Variants in NPEPPS observed in about 807,000 individuals in gnomAD.
NPEPPS encodes the protein aminopeptidase puromycin sensitive, also known as puromycin-sensitive aminopeptidase.
A neutral mutation model predicts 115.5 loss-of-function variants in NPEPPS; 14 were observed. The ratio of observed to expected loss-of-function variants is 0.12; its 90% CI spans 0.08 to 0.19. NPEPPS has a LOEUF of 0.19. Ranked by LOEUF, NPEPPS falls within the 10% of genes least tolerant of loss-of-function variation. The pLI, the probability that NPEPPS is intolerant of heterozygous loss-of-function variation, is 1.00. For missense variants in NPEPPS, 523 were observed against 1,110.8 expected (o/e 0.47, Z 7.52); for synonymous variants, 285 against 390.6 (o/e 0.73, Z 3.19).
At chr17:47,557,604 A>G (rs1910135764) in intron 2 of NPEPPS, 1 of 148,876 alleles carries the variant, frequency 6.7e-6, no homozygotes. Context: ...ATTTAAATAT[A>G]AATTTTAATC....
chr17:47,614,661 A>G (rs950352354), intron 19 of NPEPPS, among the ~76,000 whole-genome samples: 1 of 152,234 alleles, frequency 6.6e-6, no homozygotes, highest in African/African-American at 2.4e-5. Context: ...AGCAAATGCT[A>G]TCTCCAGTCC....
chr17:47,538,199 G>GTTTTT (rs1292705804), intron 1 of NPEPPS, among the ~76,000 whole-genome samples: 2 of 72,346 alleles, frequency 2.8e-5, no homozygotes, highest in Non-Finnish European at 5.7e-5. Flanking sequence ...AGCCATATCT[G>GTTTTT]TTCTTTTTTT....
In NPEPPS at chr17:47,609,356, A is replaced by G. The variant is rs1913707443; in HGVS notation, c.2096-3104A>G. On this transcript the variant is annotated intron_variant, in intron 17 of 22. Coordinates refer to ENST00000322157, the MANE Select transcript of NPEPPS (RefSeq NM_006310.4). ...GTTGCACTTTTCTTTCATGATGATA[A>G]CGTGACACTTTTTGACTTCAAAACT... Among the ~76,000 whole-genome samples, 3 of 152,204 alleles carry G rather than the reference A, an allele frequency of 2.0e-5. No individual in the cohort carries two copies. In the South Asian group the frequency reaches 6.2e-4, roughly 31 times the overall value.
Position 47,613,689 on chromosome 17 carries a change from G to C in NPEPPS, c.2259G>C (p.Lys753Asn). The change falls in exon 19 of 23, where the codon AAG becomes AAC. Residue 753 changes from lysine (K) to asparagine (N), a missense_variant. Physicochemically the swap from Lys to Asn is moderately conservative, Grantham distance 94. This residue lies in a region of NPEPPS where 372 missense variants were observed against 542.6 expected (regional missense o/e 0.69). Coordinates refer to ENST00000322157, the MANE Select transcript of NPEPPS (RefSeq NM_006310.4). ...TGTAGGTCTATCTGACTGTTTTGAA[G>C]CATGGTGATGGCACTACTTTAGATA... is the stretch of plus-strand genomic sequence containing the variant. The part of the protein sequence containing the change: ...LRSPVYLTVL[K>N]HGDGTTLDIM... 6.2e-7 allele frequency: 1 copy of C among 1,611,076 alleles called. No homozygotes were observed. Among genetic ancestry groups the C allele is most frequent in the Non-Finnish European group, 8.5e-7 (1 of 1,178,916 alleles).
upstream of NPEPPS, among the ~76,000 whole-genome samples, chr17:47,530,426 G>C (rs1254822439): frequency 3.0e-4 from 40 of 132,548 alleles, no homozygotes; most frequent in Non-Finnish European, 4.5e-4. Context: ...GTGTGATCTC[G>C]GCTCACTGCA....
At chr17:47,560,654 C>A (rs1262120276) in intron 2 of NPEPPS, among the ~76,000 whole-genome samples, 5 of 152,148 alleles carry the variant, frequency 3.3e-5, no homozygotes, top group African/African-American at 7.2e-5. Context: ...GATGTGTTTT[C>A]TTTCCCATTG....
intron 19 of NPEPPS, among the ~76,000 whole-genome samples, chr17:47,617,520 G>T (rs1340445917): frequency 6.8e-6 from 1 of 146,370 alleles, no homozygotes; most frequent in Non-Finnish European, 1.5e-5. Context: ...TATTTTTTAG[G>T]ATAATTCTGC....
intron 17 of NPEPPS, among the ~76,000 whole-genome samples, chr17:47,606,631 C>T (rs557615391): frequency 9.2e-5 from 14 of 151,962 alleles, no homozygotes; most frequent in African/African-American, 2.7e-4. Flanking sequence ...TTAGTAGAGA[C>T]GAGGTTTCGC....
intron 1 of NPEPPS, among the ~76,000 whole-genome samples, chr17:47,535,187 G>A (rs552117896): frequency 1.4e-4 from 19 of 139,142 alleles, no homozygotes; most frequent in African/African-American, 4.7e-4. Context: ...AGCTTGCAGT[G>A]AGCTGAGATT....
intron 22 of NPEPPS, chr17:47,620,233 A>AT (rs1567875727): frequency 1.3e-5 from 2 of 154,130 alleles, no homozygotes. Flanking sequence ...AAAAAAAAAA[A>AT]AAAGTCCTAA....
upstream of NPEPPS, among the ~76,000 whole-genome samples, chr17:47,530,755 C>G (rs1203671455): frequency 6.6e-6 from 1 of 152,196 alleles, no homozygotes; most frequent in Non-Finnish European, 1.5e-5. Context: ...TTTCGCTGAC[C>G]TGGAGGCAGA....
intron 2 of NPEPPS, among the ~76,000 whole-genome samples, chr17:47,552,384 T>A (rs2143739750): frequency 1.3e-5 from 2 of 152,330 alleles, no homozygotes; most frequent in East Asian, 3.9e-4. Context: ...TAAAGAAATG[T>A]CAGCATTAGA....
chr17:47,617,175 C>A (rs1914260500), intron 19 of NPEPPS, among the ~76,000 whole-genome samples: 1 of 152,016 alleles, frequency 6.6e-6, no homozygotes, highest in African/African-American at 2.4e-5. Flanking sequence ...GCTCTCTTTC[C>A]AGATTTGTTA....
chr17:47,553,906 A>G (rs1376216183), intron 2 of NPEPPS, among the ~76,000 whole-genome samples: 1 of 151,848 alleles, frequency 6.6e-6, no homozygotes, highest in Non-Finnish European at 1.5e-5. Context: ...GCATGCCACC[A>G]CACCTGGCTA....
intron 17 of NPEPPS, among the ~76,000 whole-genome samples, chr17:47,609,902 T>C (rs1430828121): frequency 2.0e-5 from 3 of 152,252 alleles, no homozygotes; most frequent in Non-Finnish European, 4.4e-5. Context: ...TTTTTATTGC[T>C]GAGTAGTATT....
intron 1 of NPEPPS, among the ~76,000 whole-genome samples, chr17:47,525,221 T>C (rs901658750): frequency 6.6e-6 from 1 of 152,208 alleles, no homozygotes; most frequent in Admixed American, 6.6e-5. Context: ...GGTTTATTCT[T>C]GACTTGCTGC....
chr17:47,547,017 GTT>G (rs1234079900), intron 2 of NPEPPS, among the ~76,000 whole-genome samples: 1 of 151,450 alleles, frequency 6.6e-6, no homozygotes, highest in African/African-American at 2.4e-5. Flanking sequence ...TTTTCTTAAA[GTT>G]TTTTTTTCTT....
At chr17:47,525,341 T>A (rs1464300444) in intron 1 of NPEPPS, among the ~76,000 whole-genome samples, 1 of 151,986 alleles carries the variant, frequency 6.6e-6, no homozygotes, top group African/African-American at 2.4e-5. Flanking sequence ...GGCCCTAGTG[T>A]TTTGTTTTTG....
In NPEPPS at chr17:47,621,821, T is replaced by C. The variant is rs778537322; in HGVS notation, c.2661T>C (p.Cys887=). The C allele has an allele frequency of 7.4e-6, 12 of 1,613,850 alleles. No individual in the cohort carries two copies. In the Admixed American group the frequency reaches 1.3e-4, roughly 18 times the overall value. Residue 887 remains cysteine, a synonymous_variant, in exon 23 of 23, where the codon TGT becomes TGC. Coordinates refer to ENST00000322157, the MANE Select transcript of NPEPPS (RefSeq NM_006310.4). ...APSAERTIQQ[C]CENILLNAAW... Reference sequence around the variant, plus strand: ...CAGCTGAGCGTACCATCCAGCAGTGTTGTGAAAATATTCTGCTGAATGCTG... The same window carrying C: ...CAGCTGAGCGTACCATCCAGCAGTGCTGTGAAAATATTCTGCTGAATGCTG...
Sources: gnomAD v4.1 joint callset for allele counts (sites outside exome capture counted in the v4.1 genomes callset) on GRCh38, gnomAD v4.1.1 for gene constraint, gnomAD v4.1.1 regional missense constraint, MANE v1.5 for transcripts, NCBI Gene and HGNC (gene_info 2026-07-23, HGNC 2026-07-21) for gene names.